MRPS9: variants seen among roughly 807,000 people sequenced by gnomAD.
MRPS9 encodes the protein mitochondrial ribosomal protein S9.
Under a neutral mutation model 59.9 loss-of-function variants are expected in MRPS9, and 45 were observed. The ratio of observed to expected loss-of-function variants is 0.75; its 90% confidence interval spans 0.59 to 0.96. MRPS9 has a LOEUF of 0.96. MRPS9 is among the 40% of genes least tolerant of loss of function. The pLI is 0.00. For synonymous variants in MRPS9, 171 were observed against 166.8 expected, an observed-to-expected ratio of 1.03 and a Z score of -0.19; for missense variants, 473 against 481.1, an observed-to-expected ratio of 0.98 and a Z score of 0.16.
intron 2 of MRPS9, among the ~76,000 whole-genome samples, chr2:105,064,465 C>T (rs1262519782): frequency 6.6e-6 from 1 of 152,128 alleles, no homozygotes; most frequent in Non-Finnish European, 1.5e-5. Flanking sequence ...TAGATGCCAC[C>T]AGGAGCACAG....
rs767962804 is a variant in MRPS9, at chr2:105,099,801, T to C, written c.*40T>C. On this transcript the variant is annotated 3_prime_UTR_variant, in exon 11 of 11. Transcript: ENST00000258455. The stretch of plus-strand genomic sequence containing the variant: ...GAAAGGAGAGGAAGAGCTATATATA[T>C]GTGCCGACATGTGGCAGACACACAG... 1.9e-6 allele frequency: 3 copies of C among 1,580,148 alleles called. No homozygotes were observed. The highest frequency in any genetic ancestry group is 2.7e-5 in the African/African-American group (2 of 74,286).
intron 2 of MRPS9, among the ~76,000 whole-genome samples, chr2:105,069,342 G>A (rs2104453369): frequency 6.6e-6 from 1 of 151,472 alleles, no homozygotes; most frequent in East Asian, 2.0e-4. Context: ...AGCCTCCCAA[G>A]TAGCTGGGAT....
chr2:105,077,566 T>C (rs1300456424), intron 4 of MRPS9, among the ~76,000 whole-genome samples: 1 of 152,212 alleles, frequency 6.6e-6, no homozygotes, highest in Non-Finnish European at 1.5e-5. Context: ...CCCTATTTCA[T>C]GCAGGCATAC....
At position 105,097,329 on chromosome 2, in the gene MRPS9, G is replaced by A. The variant is rs1337538838; in HGVS notation, c.1099+5G>A. 23 of 1,588,674 alleles carry A rather than the reference G, an allele frequency of 1.4e-5. No homozygotes were observed. Among genetic ancestry groups the A allele is most frequent in the East Asian group, 2.3e-5 (1 of 43,776 alleles). ...AGGTCGAGTGGATGAGACAAGGTATGAGTCTAGGTGGGACGGGCATGGTGG... is the reference window on the plus strand; with the variant it reads ...AGGTCGAGTGGATGAGACAAGGTATAAGTCTAGGTGGGACGGGCATGGTGG... On this transcript the variant is annotated splice_donor_5th_base_variant and intron_variant, in intron 10 of 10. Coordinates refer to ENST00000258455, the MANE Select transcript of MRPS9 (RefSeq NM_182640.3).
At position 105,038,238 on chromosome 2, in the gene MRPS9, G is replaced by C. The variant is rs761409000; in HGVS notation, c.135+11G>C. 3 of 1,606,942 alleles carry C rather than the reference G, an allele frequency of 1.9e-6. No homozygotes were observed. Among genetic ancestry groups the C allele is most frequent in the Admixed American group, 3.4e-5 (2 of 59,032 alleles). ...AATGTCAGATCCCAGGTAAGGCCTG[G>C]GAAGACTGGAAGCGGCTTACCTCTG... On this transcript the variant is annotated intron_variant, in intron 1 of 10. Transcript: ENST00000258455.
chr2:105,046,898 A>C (rs60009428), intron 1 of MRPS9, among the ~76,000 whole-genome samples: 3 of 152,058 alleles, frequency 2.0e-5, no homozygotes, highest in Non-Finnish European at 4.4e-5. Flanking sequence ...CACCTTTGCT[A>C]TGATTCTTGG....
intron 5 of MRPS9, among the ~76,000 whole-genome samples, chr2:105,082,301 T>C (rs11889143): frequency 0.22 from 32,913 of 152,152 alleles, 3,636 homozygotes; most frequent in Middle Eastern, 0.35. Flanking sequence ...TTTCCCACGT[T>C]ATTGCCCAAC....
chr2:105,048,574 T>C (rs1679651167), intron 1 of MRPS9, among the ~76,000 whole-genome samples: 1 of 151,988 alleles, frequency 6.6e-6, no homozygotes, highest in Non-Finnish European at 1.5e-5. Context: ...TTGAGCCAAA[T>C]TAATAAATCT....
intron 7 of MRPS9, among the ~76,000 whole-genome samples, chr2:105,090,869 T>C: frequency 6.6e-6 from 1 of 152,224 alleles, no homozygotes; most frequent in East Asian, 1.9e-4. Flanking sequence ...GTTCTTTTTC[T>C]CATTTAATGT....
At chr2:105,045,587 A>G (rs1196203130) in intron 1 of MRPS9, among the ~76,000 whole-genome samples, 2 of 152,164 alleles carry the variant, frequency 1.3e-5, no homozygotes, top group African/African-American at 4.8e-5. Flanking sequence ...AAAGGGTTGC[A>G]ATATTATGAC....
chr2:105,063,026 T>C (rs1006102410), intron 2 of MRPS9, among the ~76,000 whole-genome samples: 7 of 152,240 alleles, frequency 4.6e-5, no homozygotes, highest in Non-Finnish European at 7.3e-5. Context: ...ACCTGAAGAA[T>C]TGGCTTCAAA....
chr2:105,047,951 C>T (rs7591523), intron 1 of MRPS9, among the ~76,000 whole-genome samples: 2,594 of 152,008 alleles, frequency 0.017, 81 homozygotes, highest in African/African-American at 0.059. Context: ...TGAGGAATCG[C>T]CACACTGACT....
intron 2 of MRPS9, among the ~76,000 whole-genome samples, chr2:105,061,896 A>G (rs533239955): frequency 9.2e-5 from 14 of 152,274 alleles, no homozygotes; most frequent in Admixed American, 7.2e-4. Flanking sequence ...GGAGAAAGAA[A>G]CTGCAAAAAC....
chr2:105,038,952 G>A (rs1679443649), intron 1 of MRPS9, among the ~76,000 whole-genome samples: 1 of 152,152 alleles, frequency 6.6e-6, no homozygotes, highest in Non-Finnish European at 1.5e-5. Flanking sequence ...AACTGATTTC[G>A]AAATGCCCTG....
At chr2:105,063,998 T>C (rs1466048283) in intron 2 of MRPS9, among the ~76,000 whole-genome samples, 1 of 152,172 alleles carries the variant, frequency 6.6e-6, no homozygotes, top group Non-Finnish European at 1.5e-5. Flanking sequence ...AAATAAGTTA[T>C]TTGAGGAACA....
At chr2:105,055,845 C>T (rs1261545294) in intron 2 of MRPS9, among the ~76,000 whole-genome samples, 3 of 152,118 alleles carry the variant, frequency 2.0e-5, no homozygotes, top group Admixed American at 6.5e-5. Flanking sequence ...TGGGTTATTC[C>T]TGAAAACAAA....
At chr2:105,052,071 G>A (rs886078246) in intron 2 of MRPS9, among the ~76,000 whole-genome samples, 2 of 150,520 alleles carry the variant, frequency 1.3e-5, no homozygotes, top group Admixed American at 6.7e-5. Context: ...ACCTGAAAAT[G>A]GAAATAGTTT....
At chr2:105,053,184 AAC>A (rs2104443610) in intron 2 of MRPS9, among the ~76,000 whole-genome samples, 2 of 152,342 alleles carry the variant, frequency 1.3e-5, no homozygotes, top group Non-Finnish European at 2.9e-5. Flanking sequence ...GTAAGTATTA[AAC>A]ATGAATTTTG....
At chr2:105,082,166 G>T (rs563588043) in intron 5 of MRPS9, among the ~76,000 whole-genome samples, 53 of 152,154 alleles carry the variant, frequency 3.5e-4, no homozygotes, top group Non-Finnish European at 7.3e-4. Context: ...CAGCACGGGA[G>T]GTCGCCCCTG....
Sources: allele counts gnomAD v4.1 joint callset (sites outside exome capture counted in the v4.1 genomes callset), GRCh38; gene constraint gnomAD v4.1.1; transcripts MANE v1.5; gene names NCBI Gene and HGNC (gene_info 2026-07-23, HGNC 2026-07-21).